SORCS1: variants seen among roughly 807,000 people sequenced by gnomAD.
SORCS1 encodes VPS10 domain-containing receptor SorCS1.
In SORCS1, 60 loss-of-function variants were observed where a neutral mutation model predicts 146.1. The observed-to-expected ratio is 0.41, with a 90% CI of 0.33 to 0.51. The LOEUF is 0.51. Ranked by LOEUF, SORCS1 falls within the 20% of genes least tolerant of loss-of-function variation. The probability of loss-of-function intolerance (pLI) is 0.21; values close to 1 mark genes in which losing one functional copy is unlikely to be tolerated. For synonymous variants in SORCS1, 637 were observed against 584.0 expected (o/e 1.09, Z -1.31); for missense variants, 1,352 against 1,487.6 (o/e 0.91, Z 1.50).
chr10:106,630,626 T>C (rs1016906624), intron 18 of SORCS1, among the ~76,000 whole-genome samples: 1 of 152,250 alleles, frequency 6.6e-6, no homozygotes, highest in Non-Finnish European at 1.5e-5. Context: ...GAACTGGGTA[T>C]AATAATACCT....
chr10:106,752,097 C>A (rs1048562536), intron 5 of SORCS1, among the ~76,000 whole-genome samples: 3 of 152,054 alleles, frequency 2.0e-5, no homozygotes, highest in Admixed American at 1.3e-4. Flanking sequence ...CTTGGAATCA[C>A]CTAGTTAGTT....
chr10:106,644,429 TG>T (rs1268025240), intron 18 of SORCS1, among the ~76,000 whole-genome samples: 1 of 152,050 alleles, frequency 6.6e-6, no homozygotes, highest in Non-Finnish European at 1.5e-5. Flanking sequence ...TGCAGTAGTG[TG>T]ATCTCAGCTC....
At chr10:107,034,039 T>A (rs562106139) in intron 1 of SORCS1, among the ~76,000 whole-genome samples, 1 of 152,188 alleles carries the variant, frequency 6.6e-6, no homozygotes. Flanking sequence ...GTGGGAAAAC[T>A]GTTAATCAGC....
intron 2 of SORCS1, among the ~76,000 whole-genome samples, chr10:106,920,996 C>T (rs190522638): frequency 5.7e-4 from 87 of 152,222 alleles, no homozygotes; most frequent in African/African-American, 2.0e-3. Flanking sequence ...GAAAACACTC[C>T]CATTTTTCCA....
intron 2 of SORCS1, among the ~76,000 whole-genome samples, chr10:106,905,912 C>CT (rs1951889577): frequency 3.3e-5 from 5 of 152,202 alleles, no homozygotes. Flanking sequence ...ATCAGTCTCT[C>CT]TGATAATCTG....
chr10:106,696,122 A>G (rs541570920), intron 9 of SORCS1, among the ~76,000 whole-genome samples: 2 of 130,468 alleles, frequency 1.5e-5, no homozygotes, highest in East Asian at 4.5e-4. Context: ...CAGGAATAGC[A>G]CATAATTGGC....
At chr10:106,663,253 T>C (rs1029942697) in intron 17 of SORCS1, among the ~76,000 whole-genome samples, 1 of 152,082 alleles carries the variant, frequency 6.6e-6, no homozygotes, top group Non-Finnish European at 1.5e-5. Context: ...GACATATTTT[T>C]GAATGAAAAA....
intron 1 of SORCS1, among the ~76,000 whole-genome samples, chr10:107,126,534 A>G (rs895890568): frequency 1.3e-5 from 2 of 152,174 alleles, no homozygotes; most frequent in African/African-American, 4.8e-5. Flanking sequence ...GAACCTTGTG[A>G]GATTCTGTAT....
Position 106,578,910 on chromosome 10 carries a change from G to C in SORCS1, c.3371+459C>G, listed in dbSNP as rs565432319. The C allele has an allele frequency of 8.0e-5, 114 of 1,421,340 alleles. 1 individual carries two copies. The South Asian group carries it at 1.6e-3, about 20-fold the overall frequency. The allele number at this position is 1,421,340 out of a possible 1,614,324, so 88.0% of individuals were successfully genotyped here. ...AGAGAAAAAAACTAGATAGAAGCAA[G>C]AGGTTTGTTTGTTTTTCCCCCATCC... On this transcript the variant is annotated intron_variant, in intron 25 of 25. Transcript: ENST00000263054.
chr10:107,165,025 C>T (rs972738709), upstream of SORCS1, among the ~76,000 whole-genome samples: 4 of 151,722 alleles, frequency 2.6e-5, 1 homozygote, highest in African/African-American at 7.2e-5. This position sits in a 1 kb window ranked among gnomAD's most constrained non-coding sequence, Gnocchi z 4.0. Flanking sequence ...CGACCCCGGG[C>T]TCCCGGAGCA....
At chr10:106,916,941 C>T (rs1444737474) in intron 2 of SORCS1, among the ~76,000 whole-genome samples, 2 of 152,138 alleles carry the variant, frequency 1.3e-5, no homozygotes, top group Non-Finnish European at 2.9e-5. Context: ...CGGGGTTTCA[C>T]CATGTTGGCC....
At chr10:106,667,924 C>CA (rs66783381) in intron 16 of SORCS1, 122 bp from the exon 17 acceptor site, 144 of 424,198 alleles carry the variant, frequency 3.4e-4, no homozygotes, top group South Asian at 9.9e-4. Context: ...AAAATAAAAA[C>CA]AAAAAAAAAA....
intron 1 of SORCS1, among the ~76,000 whole-genome samples, chr10:106,991,573 C>T (rs188674079): frequency 9.2e-5 from 14 of 152,278 alleles, no homozygotes; most frequent in Admixed American, 9.2e-4. Flanking sequence ...AGTAGTTATG[C>T]CTTTTGAAAC....
chr10:106,971,312 T>G (rs1243380636), intron 1 of SORCS1, among the ~76,000 whole-genome samples: 1 of 152,204 alleles, frequency 6.6e-6, no homozygotes, highest in African/African-American at 2.4e-5. Flanking sequence ...AACTAATATG[T>G]AATATCCTCT....
At chr10:106,918,319 C>A (rs1418752556) in intron 2 of SORCS1, among the ~76,000 whole-genome samples, 1 of 152,098 alleles carries the variant, frequency 6.6e-6, no homozygotes, top group Non-Finnish European at 1.5e-5. Flanking sequence ...TGCCACCACG[C>A]CTGGCTAATT....
chr10:106,654,023 C>T (rs1164830941), intron 17 of SORCS1, among the ~76,000 whole-genome samples: 1 of 152,132 alleles, frequency 6.6e-6, no homozygotes, highest in East Asian at 1.9e-4. Flanking sequence ...TCTTTTTAAT[C>T]TTCTTGAGAG....
chr10:106,996,929 G>T (rs890235558), intron 1 of SORCS1, among the ~76,000 whole-genome samples: 8 of 151,876 alleles, frequency 5.3e-5, no homozygotes, highest in South Asian at 4.2e-4. Flanking sequence ...AATCACAAGA[G>T]AAACATATGG....
intron 2 of SORCS1, among the ~76,000 whole-genome samples, chr10:106,918,227 T>A (rs1564809029): frequency 6.6e-6 from 1 of 152,112 alleles, no homozygotes; most frequent in African/African-American, 2.4e-5. Context: ...GTGGTGCGAT[T>A]TCAGCTCACT....
chr10:106,657,953 A>C (rs2135334100), intron 17 of SORCS1, among the ~76,000 whole-genome samples: 1 of 152,284 alleles, frequency 6.6e-6, no homozygotes, highest in Non-Finnish European at 1.5e-5. Context: ...GTTAATAAAT[A>C]TTAAAATATA....
Sources: gnomAD v4.1 joint callset for allele counts (sites outside exome capture counted in the v4.1 genomes callset) on GRCh38, gnomAD v4.1.1 for gene constraint, Gnocchi (gnomAD v3.1) non-coding constraint, MANE v1.5 for transcripts, NCBI Gene and HGNC (gene_info 2026-07-23, HGNC 2026-07-21) for gene names.